The following MBNL1 variants were observed in gnomAD, a reference collection of about 807,000 sequenced individuals.
MBNL1 encodes the protein muscleblind-like protein 1.
MBNL1 carries 8 observed loss-of-function variants against 42.2 expected under a neutral mutation model. The ratio of observed to expected loss-of-function variants is 0.19; its 90% CI spans 0.11 to 0.34. The LOEUF is 0.34. MBNL1 is among the 10% of genes least tolerant of loss of function. MBNL1 has a pLI of 1.00. For missense variants in MBNL1, 309 were observed against 495.3 expected (o/e 0.62, Z 3.57); for synonymous variants, 169 against 173.9 (o/e 0.97, Z 0.22).
intron 1 of MBNL1, among the ~76,000 whole-genome samples, chr3:152,295,341 T>C (rs2058112075): frequency 6.6e-6 from 1 of 152,146 alleles, no homozygotes; most frequent in African/African-American, 2.4e-5. Context: ...AGAAATTAAT[T>C]TTTAGTTGTA....
intron 2 of MBNL1, among the ~76,000 whole-genome samples, chr3:152,354,098 G>T (rs2095324566): frequency 6.6e-6 from 1 of 152,130 alleles, no homozygotes; most frequent in Non-Finnish European, 1.5e-5. Context: ...TTTTATTCAT[G>T]TTCTCTCACC....
chr3:152,338,466 AGTT>A, intron 2 of MBNL1: 6 of 985,328 alleles, frequency 6.1e-6, no homozygotes, highest in Non-Finnish European at 7.2e-6. Flanking sequence ...ACTTGCTTTC[AGTT>A]GTTAAGGCTT....
At chr3:152,422,997 A>G (rs746544030) in intron 3 of MBNL1, among the ~76,000 whole-genome samples, 5 of 152,266 alleles carry the variant, frequency 3.3e-5, no homozygotes, top group Non-Finnish European at 5.9e-5. Flanking sequence ...AGAAAGCAGG[A>G]AAGATATAAA....
intron 2 of MBNL1, among the ~76,000 whole-genome samples, chr3:152,307,738 T>A (rs1354983612): frequency 6.6e-6 from 1 of 152,262 alleles, no homozygotes; most frequent in Non-Finnish European, 1.5e-5. Flanking sequence ...AAACATTGCT[T>A]CTTAATTTCC....
intron 2 of MBNL1, among the ~76,000 whole-genome samples, chr3:152,316,065 A>C (rs1376114994): frequency 6.6e-6 from 1 of 152,126 alleles, no homozygotes; most frequent in Non-Finnish European, 1.5e-5. Context: ...TGACTTTTCA[A>C]AATGTATTTG....
At chr3:152,392,966 T>C (rs1488584999) in intron 2 of MBNL1, among the ~76,000 whole-genome samples, 3 of 152,218 alleles carry the variant, frequency 2.0e-5, no homozygotes. Context: ...TAAAATGGTG[T>C]ACAATTTGTT....
chr3:152,351,605 T>C (rs1355725937), intron 2 of MBNL1, among the ~76,000 whole-genome samples: 1 of 152,176 alleles, frequency 6.6e-6, no homozygotes, highest in Admixed American at 6.6e-5. Flanking sequence ...AAACACCTTT[T>C]TATGTGTAAA....
At chr3:152,376,336 A>C (rs560244383) in intron 2 of MBNL1, among the ~76,000 whole-genome samples, 1 of 152,338 alleles carries the variant, frequency 6.6e-6, no homozygotes, top group Admixed American at 6.5e-5. Flanking sequence ...CTCACATATT[A>C]TCTCGAGGAA....
chr3:152,324,989 C>T (rs2078647421), intron 2 of MBNL1, among the ~76,000 whole-genome samples: 1 of 146,796 alleles, frequency 6.8e-6, no homozygotes, highest in Non-Finnish European at 1.5e-5. Flanking sequence ...TACAGTGGGT[C>T]ATCTACTGAG....
At chr3:152,248,100 A>T (rs1374966672) in intron 2 of MBNL1, among the ~76,000 whole-genome samples, 1 of 152,024 alleles carries the variant, frequency 6.6e-6, no homozygotes, top group African/African-American at 2.4e-5. Flanking sequence ...CACAGTTTTG[A>T]TTTTGAAAAA....
intron 6 of MBNL1, among the ~76,000 whole-genome samples, chr3:152,453,146 A>G (rs1727006287): frequency 6.6e-6 from 1 of 152,128 alleles, no homozygotes; most frequent in Non-Finnish European, 1.5e-5. Flanking sequence ...AATGATATAC[A>G]CTATTTTTAG....
chr3:152,432,209 A>G (rs1451095653), intron 3 of MBNL1, among the ~76,000 whole-genome samples: 1 of 152,222 alleles, frequency 6.6e-6, no homozygotes, highest in Non-Finnish European at 1.5e-5. Flanking sequence ...AGATTTATTT[A>G]CAGCTTACAT....
chr3:152,372,390 A>AT (rs1248831395), intron 2 of MBNL1, among the ~76,000 whole-genome samples: 2 of 151,684 alleles, frequency 1.3e-5, no homozygotes, highest in African/African-American at 4.8e-5. Context: ...GGTTTTTGGA[A>AT]TTTTCAGCCT....
chr3:152,449,095 G>C (rs987375003), intron 6 of MBNL1, among the ~76,000 whole-genome samples: 2 of 152,110 alleles, frequency 1.3e-5, no homozygotes, highest in Non-Finnish European at 2.9e-5. Flanking sequence ...TGTGCAAGTT[G>C]CTGTGTCCCT....
chr3:152,362,417 T>C (rs1020601433), intron 2 of MBNL1, among the ~76,000 whole-genome samples: 2 of 152,200 alleles, frequency 1.3e-5, no homozygotes, highest in African/African-American at 4.8e-5. Flanking sequence ...TTTAACACTT[T>C]GTTTTAACAG....
chr3:152,370,522 T>C (rs1464480101), intron 2 of MBNL1, among the ~76,000 whole-genome samples: 1 of 152,206 alleles, frequency 6.6e-6, no homozygotes, highest in African/African-American at 2.4e-5. Context: ...GTCTGCTTTG[T>C]CCAGAGCTGA....
At position 152,414,971 on chromosome 3, in the gene MBNL1, C is replaced by A. The variant is rs764119075; in HGVS notation, c.205C>A (p.Leu69Ile). ...TTGCTCCAGGGAGAACTGCAAATAT[C>A]TTCATCCACCCCCACATTTAAAAAC... is the stretch of plus-strand genomic sequence containing the variant. Reference protein sequence around the residue: ...GRCSRENCKYLHPPPHLKTQL... With the variant: ...GRCSRENCKYIHPPPHLKTQL... The change falls in exon 3 of 10, where the codon CTT becomes ATT. Residue 69 changes from leucine (L) to isoleucine (I), a missense_variant. Leu to Ile is a conservative substitution (Grantham distance 5). Coordinates refer to ENST00000324210, the MANE Select transcript of MBNL1 (RefSeq NM_021038.5). The A allele has an allele frequency of 6.2e-7, 1 of 1,608,568 alleles. No homozygotes were observed.
chr3:152,261,821 C>A (rs1205312615), intron 2 of MBNL1, among the ~76,000 whole-genome samples: 1 of 152,164 alleles, frequency 6.6e-6, no homozygotes. Flanking sequence ...AATAGCCTTT[C>A]ATGACTTTTT....
chr3:152,342,434 A>G (rs2093449627), intron 2 of MBNL1, among the ~76,000 whole-genome samples: 1 of 152,114 alleles, frequency 6.6e-6, no homozygotes, highest in Non-Finnish European at 1.5e-5. Flanking sequence ...AATGGCTAGC[A>G]TATAGAAAAT....
Sources: allele counts gnomAD v4.1 joint callset (sites outside exome capture counted in the v4.1 genomes callset), GRCh38; gene constraint gnomAD v4.1.1; transcripts MANE v1.5; gene names NCBI Gene and HGNC (gene_info 2026-07-23, HGNC 2026-07-21).